C1orf116: variants seen among roughly 807,000 people sequenced by gnomAD.
The protein encoded by C1orf116 is specifically androgen-regulated gene protein.
C1orf116 carries 12 observed loss-of-function variants against 14.1 expected under a neutral mutation model. The observed-to-expected ratio is 0.85, with a 90% CI of 0.54 to 1.38. C1orf116 has a LOEUF of 1.38. Ranked by LOEUF, C1orf116 falls within the 40% of genes most tolerant of loss-of-function variation. C1orf116 has a pLI of 0.00. For missense variants in C1orf116, 797 were observed against 747.0 expected, an observed-to-expected ratio of 1.07 and a Z score of -0.78; for synonymous variants, 296 against 299.0, an observed-to-expected ratio of 0.99 and a Z score of 0.10.
intron 1 of C1orf116, among the ~76,000 whole-genome samples, chr1:207,028,450 C>A (rs769658981): frequency 4.6e-5 from 7 of 152,222 alleles, no homozygotes; most frequent in Non-Finnish European, 1.0e-4. Flanking sequence ...CGCTACGATA[C>A]CCATCTTTAA....
rs550611695 is a variant in C1orf116, at chr1:207,018,949, C to G, written c.*3009G>C. ...GGGTTCATCTCACACACTCACAGAC[C>G]ATGTAGACTATTCAATCTACACCTC... On this transcript the variant is annotated 3_prime_UTR_variant, in exon 4 of 4. Coordinates refer to ENST00000359470, the MANE Select transcript of C1orf116 (RefSeq NM_023938.6). The G allele has an allele frequency of 1.3e-5, 2 of 152,124 alleles. No individual in the cohort carries two copies. Among genetic ancestry groups the G allele is most frequent in the African/African-American group, 4.8e-5 (2 of 41,466 alleles). The allele number at this position is 152,124 out of a possible 1,614,324, so 9.4% of individuals were successfully genotyped here.
chr1:207,028,323 C>G (rs1682142835), intron 1 of C1orf116, among the ~76,000 whole-genome samples: 1 of 152,144 alleles, frequency 6.6e-6, no homozygotes, highest in African/African-American at 2.4e-5. Flanking sequence ...AGAGAAGAAA[C>G]AGGTCCCTTA....
intron 1 of C1orf116, among the ~76,000 whole-genome samples, chr1:207,031,913 A>G (rs1012719875): frequency 1.6e-4 from 24 of 152,218 alleles, no homozygotes; most frequent in Admixed American, 4.6e-4. Flanking sequence ...CAGAAAGTTA[A>G]TTGAGTAGAA....
At position 207,027,657 on chromosome 1, in the gene C1orf116, G is replaced by A; in HGVS notation, c.-59C>T. 4 of 1,595,460 alleles carry A rather than the reference G, an allele frequency of 2.5e-6. No homozygotes were observed. In the South Asian group the frequency reaches 3.3e-5, roughly 13 times the overall value. ...GCTTCTAGAGGGGAAGCGAGGGGAA[G>A]TGAACAATGTCCCAAGCCGGGCCTG... On this transcript the variant is annotated 5_prime_UTR_variant, in exon 2 of 4. Coordinates refer to ENST00000359470, the MANE Select transcript of C1orf116 (RefSeq NM_023938.6).
rs1558043200 is a variant in C1orf116, at chr1:207,022,517, G to GGAGCCGGAGCTT, written c.1235_1246dup (p.Gln412_Ala415dup). 1.9e-6 allele frequency: 3 copies of GGAGCCGGAGCTT among 1,614,194 alleles called. No individual in the cohort carries two copies. The highest frequency in any genetic ancestry group is 1.7e-6 in the Non-Finnish European group (2 of 1,180,014). ...AGGTCCCTGAGCTGGACCTGGAGCT[G>GGAGCCGGAGCTT]GAGCCGGAGCTTGAGCCAGAGCCTT... On this transcript the variant is annotated inframe_insertion, in exon 4 of 4. Transcript: ENST00000359470.
At chr1:207,024,133 C>T (rs1481658922) in intron 3 of C1orf116, among the ~76,000 whole-genome samples, 1 of 152,238 alleles carries the variant, frequency 6.6e-6, no homozygotes, top group African/African-American at 2.4e-5. Context: ...GACTCCTTTC[C>T]TTCCAGTGAG....
In C1orf116 at chr1:207,027,349, A is replaced by G. The variant is rs950109540; in HGVS notation, c.105+145T>C. On this transcript the variant is annotated intron_variant, in intron 2 of 3. Coordinates refer to ENST00000359470, the MANE Select transcript of C1orf116 (RefSeq NM_023938.6). Reference sequence around the variant, plus strand: ...GCCAGGGCTGACTCAGGCAGAAAGCACCCACTGGTGTTGTGAATCACTCCC... The same window carrying G: ...GCCAGGGCTGACTCAGGCAGAAAGCGCCCACTGGTGTTGTGAATCACTCCC... 10 of 1,030,480 alleles carry G rather than the reference A, an allele frequency of 9.7e-6. No individual in the cohort carries two copies. In the African/African-American group the frequency reaches 1.3e-4, roughly 13 times the overall value. 63.8% of individuals were successfully genotyped at this position (1,030,480 alleles called of 1,614,324 possible).
At chr1:207,030,510 A>T (rs1401406855) in intron 1 of C1orf116, among the ~76,000 whole-genome samples, 4 of 152,234 alleles carry the variant, frequency 2.6e-5, no homozygotes, top group African/African-American at 9.6e-5. Context: ...AAGAAATGAC[A>T]CCAACTGCCA....
Position 207,025,067 on chromosome 1 carries a change from G to C in C1orf116, c.106-3C>G. 1 of 1,426,534 alleles carries C rather than the reference G, an allele frequency of 7.0e-7. No homozygotes were observed. Among genetic ancestry groups the C allele is most frequent in the Non-Finnish European group, 9.6e-7 (1 of 1,042,468 alleles). The allele number at this position is 1,426,534 out of a possible 1,614,324, so 88.4% of individuals were successfully genotyped here. ...AGGAAGTCGTAGCTGCTATCACTCT[G>C]TTGGGTTTGGGGTTGGGGGCGGGGG... On this transcript the variant is annotated splice_region_variant and splice_polypyrimidine_tract_variant and intron_variant, in intron 2 of 3. Coordinates refer to ENST00000359470, the MANE Select transcript of C1orf116 (RefSeq NM_023938.6).
Position 207,021,922 on chromosome 1 carries a change from G to A in C1orf116, c.*36C>T. ...CCAAGTGGAGCATGTGTCTCTTCTTGTTCAGCCAGGACAGGGTCTGTACTG... is the reference window on the plus strand; with the variant it reads ...CCAAGTGGAGCATGTGTCTCTTCTTATTCAGCCAGGACAGGGTCTGTACTG... On this transcript the variant is annotated 3_prime_UTR_variant, in exon 4 of 4. Coordinates refer to ENST00000359470, the MANE Select transcript of C1orf116 (RefSeq NM_023938.6). 6.8e-7 allele frequency: 1 copy of A among 1,478,442 alleles called. No individual in the cohort carries two copies. The highest frequency in any genetic ancestry group is 9.0e-7 in the Non-Finnish European group (1 of 1,112,934). The allele number at this position is 1,478,442 out of a possible 1,614,324, so 91.6% of individuals were successfully genotyped here. A position where few individuals can be genotyped will look rare whatever the true frequency, so the allele number is the denominator to read the frequency against.
At chr1:207,031,654 A>C (rs1439379336) in intron 1 of C1orf116, among the ~76,000 whole-genome samples, 1 of 152,208 alleles carries the variant, frequency 6.6e-6, no homozygotes, top group African/African-American at 2.4e-5. Context: ...CGACTCCTAC[A>C]TCTGCCTTCC....
Position 207,023,604 on chromosome 1 carries a change from TTTTA to T in C1orf116, c.284-128_284-125del, listed in dbSNP as rs1681961255. 3.6e-5 allele frequency: 49 copies of T among 1,346,924 alleles called. 1 individual carries two copies. The South Asian group carries it at 7.1e-4, about 20-fold the overall frequency. 83.4% of individuals were successfully genotyped at this position (1,346,924 alleles called of 1,614,324 possible). ...TGATCCCAAACTAGCAATGAATGGGTTTTATTTTGCCTTGTTTTCTTTGCTTTTA... is the reference window on the plus strand; with the variant it reads ...TGATCCCAAACTAGCAATGAATGGGTTTTTGCCTTGTTTTCTTTGCTTTTA... On this transcript the variant is annotated intron_variant, in intron 3 of 3. Coordinates refer to ENST00000359470, the MANE Select transcript of C1orf116 (RefSeq NM_023938.6).
chr1:207,020,750 A>G lies in C1orf116; in HGVS notation c.*1208T>C, dbSNP rs1681820394. The G allele has an allele frequency of 1.3e-5, 2 of 152,218 alleles. No homozygotes were observed. Among genetic ancestry groups the G allele is most frequent in the Admixed American group, 1.3e-4 (2 of 15,280 alleles). 9.4% of individuals were successfully genotyped at this position (152,218 alleles called of 1,614,324 possible). On this transcript the variant is annotated 3_prime_UTR_variant, in exon 4 of 4. Transcript: ENST00000359470. The stretch of plus-strand genomic sequence containing the variant: ...TTCAGAAGGCACTTTGAGATCTTGA[A>G]GGGCCTTAGGGTTGAGTCTTTGATG...
rs1329794779 is a variant in C1orf116, at chr1:207,024,910, G to C, written c.260C>G (p.Pro87Arg). 3.1e-6 allele frequency: 5 copies of C among 1,613,744 alleles called. No individual in the cohort carries two copies. The highest frequency in any genetic ancestry group is 1.3e-5 in the African/African-American group (1 of 74,894). Reference sequence around the variant, plus strand: ...ACCCCGGGGAGTGGGTTGGGTTATGGGCAGTGCTCGGAAACCTCTGGGAGT... The same window carrying C: ...ACCCCGGGGAGTGGGTTGGGTTATGCGCAGTGCTCGGAAACCTCTGGGAGT... The part of the protein sequence containing the change: ...ATTPRGFRAL[P>R]ITQPTPRGGP... The change falls in exon 3 of 4, where the codon CCC (proline) becomes CGC (arginine). Residue 87 changes from proline (P) to arginine (R), a missense_variant. By Grantham distance (103) the Pro-to-Arg change is moderately radical. Coordinates refer to ENST00000359470, the MANE Select transcript of C1orf116 (RefSeq NM_023938.6).
intron 2 of C1orf116, among the ~76,000 whole-genome samples, chr1:207,025,870 A>G (rs781215354): frequency 1.1e-4 from 17 of 152,240 alleles, no homozygotes; most frequent in Non-Finnish European, 2.1e-4. Flanking sequence ...AATATTAAGT[A>G]GATCTTAAAG....
chr1:207,022,479 A>G lies in C1orf116; in HGVS notation c.1285T>C (p.Ser429Pro), dbSNP rs1266917800. Residue 429 changes from serine (S) to proline (P), a missense_variant, in exon 4 of 4, where the codon TCT (serine) becomes CCT (proline). Transcript: ENST00000359470. The stretch of plus-strand genomic sequence containing the variant: ...GCTGCAACATTGCCTGGAGCTGGAG[A>G]CTTCATTGGCAAAGGTCCCTGAGCT... ...GPAQGPLPMK[S>P]PAPGNVAASK... The G allele has an allele frequency of 6.2e-7, 1 of 1,614,002 alleles. No individual in the cohort carries two copies. Among genetic ancestry groups the G allele is most frequent in the Admixed American group, 1.7e-5 (1 of 60,014 alleles).
intron 1 of C1orf116, among the ~76,000 whole-genome samples, chr1:207,031,427 TC>T (rs1379575565): frequency 6.6e-6 from 1 of 152,050 alleles, no homozygotes; most frequent in Admixed American, 6.5e-5. Context: ...GGGTGTTGGC[TC>T]TGTGGTGTGA....
At chr1:207,030,680 A>G (rs935875301) in intron 1 of C1orf116, among the ~76,000 whole-genome samples, 1 of 152,100 alleles carries the variant, frequency 6.6e-6, no homozygotes, top group Admixed American at 6.5e-5. Flanking sequence ...CGACTTCACA[A>G]CCTTGAACCT....
At position 207,022,803 on chromosome 1, in the gene C1orf116, A is replaced by T; in HGVS notation, c.961T>A (p.Trp321Arg). ...RSSFHSDPQH[W>R]LSRHTEAAPG... ...GCAGCCTCAGTGTGGCGGGACAGCC[A>T]GTGCTGGGGGTCACTGTGGAAACTG... The change falls in exon 4 of 4, where the codon TGG becomes AGG. Residue 321 changes from tryptophan to arginine, a missense_variant. Physicochemically the swap from Trp to Arg is moderately radical, Grantham distance 101. Coordinates refer to ENST00000359470, the MANE Select transcript of C1orf116 (RefSeq NM_023938.6). The T allele has an allele frequency of 6.2e-7, 1 of 1,614,046 alleles. No homozygotes were observed. The highest frequency in any genetic ancestry group is 8.5e-7 in the Non-Finnish European group (1 of 1,179,998).
Sources: allele counts gnomAD v4.1 joint callset (sites outside exome capture counted in the v4.1 genomes callset), GRCh38; gene constraint gnomAD v4.1.1; transcripts MANE v1.5; gene names NCBI Gene and HGNC (gene_info 2026-07-23, HGNC 2026-07-21).